RCAN3: variants seen among roughly 807,000 people sequenced by gnomAD.
The protein encoded by RCAN3 is calcipressin-3.
RCAN3 carries 19 observed loss-of-function variants against 21.9 expected under a neutral mutation model. The ratio of observed to expected loss-of-function variants is 0.87; its 90% CI spans 0.61 to 1.27. The LOEUF (loss-of-function observed/expected upper bound fraction) is 1.27, where lower values mean the gene tolerates loss of function less well. Ranked by LOEUF, RCAN3 falls within the 50% of genes most tolerant of loss-of-function variation. The pLI, the probability that RCAN3 is intolerant of heterozygous loss-of-function variation, is 0.00. For synonymous variants in RCAN3, 114 were observed against 112.3 expected (o/e 1.01, Z -0.09); for missense variants, 240 against 300.1 (o/e 0.80, Z 1.48).
At chr1:24,519,445 T>A (rs1286354936) in intron 2 of RCAN3, among the ~76,000 whole-genome samples, 1 of 152,182 alleles carries the variant, frequency 6.6e-6, no homozygotes, top group African/African-American at 2.4e-5. Context: ...TGGGACTGTT[T>A]TTTTCTGCCT....
chr1:24,520,798 G>A (rs889586472), intron 2 of RCAN3, among the ~76,000 whole-genome samples: 4 of 151,532 alleles, frequency 2.6e-5, no homozygotes, highest in African/African-American at 4.8e-5. Flanking sequence ...AAACCTGCAC[G>A]TTGTACACAT....
chr1:24,531,250 T>A lies in RCAN3; in HGVS notation c.228T>A (p.Asp76Glu), dbSNP rs1649736348. 6.2e-7 allele frequency: 1 copy of A among 1,608,482 alleles called. No homozygotes were observed. Among genetic ancestry groups the A allele is most frequent in the African/African-American group, 1.3e-5 (1 of 74,762 alleles). Residue 76 changes from aspartate to glutamate, a missense_variant, in exon 3 of 5, where the codon GAT becomes GAA. Coordinates refer to ENST00000374395, the MANE Select transcript of RCAN3 (RefSeq NM_013441.4). ...TTGAAGCACTCTTCACCATCTATGA[T>A]GACCAGGTTACTTTTCAGCTGTTTA... ...ERFEALFTIY[D>E]DQVTFQLFKS... is the part of the protein sequence containing the mutation.
chr1:24,535,542 T>A lies in RCAN3; in HGVS notation c.*265T>A, dbSNP rs1444436533. The A allele has an allele frequency of 8.7e-6, 3 of 346,162 alleles. No individual in the cohort carries two copies. Among genetic ancestry groups the A allele is most frequent in the African/African-American group, 2.1e-5 (1 of 47,472 alleles). 21.4% of individuals were successfully genotyped at this position (346,162 alleles called of 1,614,324 possible). On this transcript the variant is annotated 3_prime_UTR_variant, in exon 5 of 5. Transcript: ENST00000374395. ...GTGGCCACCCTTAACCATTTTTAAA[T>A]AGTAACAAATTAGGAAAACAGCTCC...
intron 4 of RCAN3, among the ~76,000 whole-genome samples, chr1:24,533,669 G>A (rs1027178564): frequency 8.5e-5 from 13 of 152,096 alleles, no homozygotes; most frequent in African/African-American, 1.4e-4. Context: ...GCATGGTGGC[G>A]TACGCCTATA....
chr1:24,524,102 C>T (rs1347652365), intron 2 of RCAN3, among the ~76,000 whole-genome samples: 6 of 151,908 alleles, frequency 3.9e-5, no homozygotes, highest in East Asian at 1.9e-4. Flanking sequence ...TGGTGGTGCA[C>T]GCCTGTAATC....
At chr1:24,528,314 A>G (rs1649445692) in intron 2 of RCAN3, among the ~76,000 whole-genome samples, 1 of 152,158 alleles carries the variant, frequency 6.6e-6, no homozygotes, top group Admixed American at 6.5e-5. Flanking sequence ...AGACAAACAG[A>G]TAAAATAAGA....
chr1:24,509,626 C>T (rs1647724587), intron 1 of RCAN3, among the ~76,000 whole-genome samples: 1 of 152,168 alleles, frequency 6.6e-6, no homozygotes, highest in African/African-American at 2.4e-5. Context: ...TTGGTATTTC[C>T]ACCACATCTG....
chr1:24,533,227 C>T lies in RCAN3; in HGVS notation c.514C>T (p.Leu172Phe), dbSNP rs1423879158. 2 of 1,575,994 alleles carry T rather than the reference C, an allele frequency of 1.3e-6. No individual in the cohort carries two copies. Among genetic ancestry groups the T allele is most frequent in the Non-Finnish European group, 1.7e-6 (2 of 1,166,656 alleles). Residue 172 changes from leucine to phenylalanine, a missense_variant, in exon 4 of 5, where the codon CTC (leucine) becomes TTC (phenylalanine). By Grantham distance (22) the Leu-to-Phe change is conservative. Coordinates refer to ENST00000374395, the MANE Select transcript of RCAN3 (RefSeq NM_013441.4). ...GATGCCTGTTATAAATTATGATTTA[C>T]TCTGTGCTGTTTCCAAATTGGGACC... Reference protein sequence around the residue: ...DAMPVINYDLLCAVSKLGPGE... With the variant: ...DAMPVINYDLFCAVSKLGPGE...
chr1:24,540,837 G>A lies in RCAN3; in HGVS notation c.*5560G>A, dbSNP rs1170544503. 6.6e-6 allele frequency: 1 copy of A among 152,144 alleles called. No individual in the cohort carries two copies. The highest frequency in any genetic ancestry group is 1.5e-5 in the Non-Finnish European group (1 of 68,032). The allele number at this position is 152,144 out of a possible 1,614,324, so 9.4% of individuals were successfully genotyped here. A position where few individuals can be genotyped will look rare whatever the true frequency, so the allele number is the denominator to read the frequency against. Reference sequence around the variant, plus strand: ...TTATGTACATGTATTCCACATTTTAGTGTGCTTGAAGTGACAATCCATAGT... The same window carrying A: ...TTATGTACATGTATTCCACATTTTAATGTGCTTGAAGTGACAATCCATAGT... On this transcript the variant is annotated 3_prime_UTR_variant, in exon 5 of 5. Coordinates refer to ENST00000374395, the MANE Select transcript of RCAN3 (RefSeq NM_013441.4).
In RCAN3 at chr1:24,533,094, C is replaced by T. The variant is rs773604708; in HGVS notation, c.381C>T (p.Ser127=). ...LKLYFAQVQM[S]GEVRDKSYLL... Reference sequence around the variant, plus strand: ...CTCGCTCCCTGCAGGTGCAGATGTCCGGCGAAGTGCGGGACAAGTCCTATC... The same window carrying T: ...CTCGCTCCCTGCAGGTGCAGATGTCTGGCGAAGTGCGGGACAAGTCCTATC... Residue 127 remains serine, a synonymous_variant, in exon 4 of 5, where the codon TCC becomes TCT. Coordinates refer to ENST00000374395, the MANE Select transcript of RCAN3 (RefSeq NM_013441.4). The T allele has an allele frequency of 1.3e-5, 19 of 1,489,866 alleles. No homozygotes were observed. The highest frequency in any genetic ancestry group is 7.3e-5 in the Admixed American group (3 of 40,874). The allele number at this position is 1,489,866 out of a possible 1,614,324, so 92.3% of individuals were successfully genotyped here. A position where few individuals can be genotyped will look rare whatever the true frequency, so the allele number is the denominator to read the frequency against.
rs1468581581 is a variant in RCAN3, at chr1:24,514,410, A to C, written c.38A>C (p.Gln13Pro). The C allele has an allele frequency of 6.2e-7, 1 of 1,613,984 alleles. No individual in the cohort carries two copies. Among genetic ancestry groups the C allele is most frequent in the African/African-American group, 1.3e-5 (1 of 74,926 alleles). The change falls in exon 2 of 5, where the codon CAG (glutamine) becomes CCG (proline). Residue 13 changes from glutamine (Q) to proline (P), a missense_variant. Coordinates refer to ENST00000374395, the MANE Select transcript of RCAN3 (RefSeq NM_013441.4). Reference protein sequence around the residue: ...RDTMKSWNDSQSDLCSTDQEE... With the variant: ...RDTMKSWNDSPSDLCSTDQEE... ...ACTATGAAATCTTGGAATGATAGCC[A>C]GTCAGATCTGTGTAGCACTGACCAA...
At chr1:24,532,371 C>T (rs1415221866) in intron 3 of RCAN3, among the ~76,000 whole-genome samples, 1 of 151,984 alleles carries the variant, frequency 6.6e-6, no homozygotes, top group Non-Finnish European at 1.5e-5. Context: ...GGACTACAGG[C>T]ATATGCCACC....
In RCAN3 at chr1:24,502,887, G is replaced by C. The variant is rs1557560060; in HGVS notation, c.-323G>C. 1.3e-5 allele frequency: 2 copies of C among 150,268 alleles called. No homozygotes were observed. The highest frequency in any genetic ancestry group is 6.6e-5 in the Admixed American group (1 of 15,108). The allele number at this position is 150,268 out of a possible 1,614,324, so 9.3% of individuals were successfully genotyped here. A position where few individuals can be genotyped will look rare whatever the true frequency, so the allele number is the denominator to read the frequency against. ...GCGGCGCCGGCAGCCTAGCTCAGCC[G>C]GGACACCGCCCTAGTCCCAGCCCAG... On this transcript the variant is annotated 5_prime_UTR_variant, in exon 1 of 5. Coordinates refer to ENST00000374395, the MANE Select transcript of RCAN3 (RefSeq NM_013441.4).
At chr1:24,519,676 C>T (rs1199401910) in intron 2 of RCAN3, among the ~76,000 whole-genome samples, 1 of 152,208 alleles carries the variant, frequency 6.6e-6, no homozygotes, top group Non-Finnish European at 1.5e-5. Flanking sequence ...GTTCTGCTGT[C>T]CTGCTCTGTG....
At chr1:24,518,624 G>T (rs1648537149) in intron 2 of RCAN3, among the ~76,000 whole-genome samples, 1 of 151,584 alleles carries the variant, frequency 6.6e-6, no homozygotes, top group Non-Finnish European at 1.5e-5. Context: ...ACAGGGTCTT[G>T]CTCTGTCACC....
At chr1:24,520,364 T>C (rs1375166873) in intron 2 of RCAN3, among the ~76,000 whole-genome samples, 4 of 152,046 alleles carry the variant, frequency 2.6e-5, no homozygotes, top group Admixed American at 6.6e-5. Context: ...GGGTTTAGAG[T>C]TATAGACATT....
chr1:24,530,879 C>A (rs537631412), intron 2 of RCAN3, among the ~76,000 whole-genome samples: 1 of 151,840 alleles, frequency 6.6e-6, no homozygotes, highest in Non-Finnish European at 1.5e-5. Flanking sequence ...GCATGGTGGC[C>A]GGCCCCTATA....
At chr1:24,527,917 A>G (rs1649402879) in intron 2 of RCAN3, among the ~76,000 whole-genome samples, 2 of 152,148 alleles carry the variant, frequency 1.3e-5, no homozygotes, top group Admixed American at 1.3e-4. Context: ...TTTTTTTCTC[A>G]GCCTCATGAA....
At chr1:24,527,528 T>C (rs1649374653) in intron 2 of RCAN3, among the ~76,000 whole-genome samples, 1 of 152,192 alleles carries the variant, frequency 6.6e-6, no homozygotes, top group South Asian at 2.1e-4. Context: ...AGAATAAATA[T>C]TGGTGCACAA....
Sources: allele counts gnomAD v4.1 joint callset (sites outside exome capture counted in the v4.1 genomes callset), GRCh38; gene constraint gnomAD v4.1.1; transcripts MANE v1.5; gene names NCBI Gene and HGNC (gene_info 2026-07-23, HGNC 2026-07-21).